COG3: variants seen among roughly 807,000 people sequenced by gnomAD.
COG3 encodes the protein component of oligomeric golgi complex 3.
Under a neutral mutation model 114.1 loss-of-function variants are expected in COG3, and 32 were observed. That is an observed-to-expected ratio of 0.28 (90% CI 0.21 to 0.38). The LOEUF (loss-of-function observed/expected upper bound fraction) is 0.38. Ranked by LOEUF, COG3 falls within the 10% of genes least tolerant of loss-of-function variation. The pLI is 1.00. For missense variants in COG3, 813 were observed against 973.2 expected (o/e 0.84, Z 2.19); for synonymous variants, 352 against 365.7 (o/e 0.96, Z 0.43).
At position 45,491,588 on chromosome 13, in the gene COG3, T is replaced by C. The variant is rs111902399; in HGVS notation, c.1095+50T>C. 6 of 1,567,986 alleles carry C rather than the reference T, an allele frequency of 3.8e-6. No homozygotes were observed. The African/African-American group carries it at 5.4e-5, about 14-fold the overall frequency. On this transcript the variant is annotated intron_variant, in intron 10 of 22. Coordinates refer to ENST00000349995, the MANE Select transcript of COG3 (RefSeq NM_031431.4). ...AATGTTAAATCTTCCTCTTGAGTTA[T>C]GTTGATATCCTAGAAACTATACCTG...
intron 7 of COG3, among the ~76,000 whole-genome samples, chr13:45,485,178 C>A (rs4420418): frequency 7.3e-6 from 1 of 136,512 alleles, no homozygotes; most frequent in African/African-American, 2.8e-5. Flanking sequence ...TAGGGGCGGC[C>A]GGGCAGAGGC....
intron 15 of COG3, among the ~76,000 whole-genome samples, chr13:45,510,797 C>T (rs925294073): frequency 2.6e-5 from 4 of 152,184 alleles, no homozygotes; most frequent in African/African-American, 9.7e-5. Context: ...GTGTAAAATA[C>T]GTTAAGGCTG....
intron 12 of COG3, among the ~76,000 whole-genome samples, chr13:45,495,375 TTTTA>T (rs1261308037): frequency 1.3e-5 from 2 of 151,872 alleles, no homozygotes; most frequent in Non-Finnish European, 2.9e-5. Flanking sequence ...ATGGCATCTT[TTTTA>T]TTTATTTATT....
In COG3 at chr13:45,512,043, G is replaced by GC; in HGVS notation, c.1809+189_1809+190insC. ...TAAATAAAGACTGTACTATATAAGA[G>GC]AGTCCAACTTTGCTAAAGTACCAAA... is the stretch of plus-strand genomic sequence containing the variant. On this transcript the variant is annotated intron_variant, in intron 16 of 22. Coordinates refer to ENST00000349995, the MANE Select transcript of COG3 (RefSeq NM_031431.4). 9.6e-6 allele frequency: 5 copies of GC among 518,462 alleles called. No homozygotes were observed. In the South Asian group the frequency reaches 1.0e-4, roughly 11 times the overall value. 32.1% of individuals were successfully genotyped at this position (518,462 alleles called of 1,614,324 possible).
In COG3 at chr13:45,503,364, C is replaced by G. The variant is rs371071890; in HGVS notation, c.1594+15C>G. The G allele has an allele frequency of 2.1e-4, 264 of 1,262,138 alleles. 2 individuals carry two copies. The highest frequency in any genetic ancestry group is 1.4e-3 in the South Asian group (117 of 82,768). The allele number at this position is 1,262,138 out of a possible 1,614,324, so 78.2% of individuals were successfully genotyped here. Reference sequence around the variant, plus strand: ...GACAAAATCTGGTATGTTATGATGTCTTAACTGCCAGCATTTATTCATTTG... The same window carrying G: ...GACAAAATCTGGTATGTTATGATGTGTTAACTGCCAGCATTTATTCATTTG... On this transcript the variant is annotated intron_variant, in intron 14 of 22. Coordinates refer to ENST00000349995, the MANE Select transcript of COG3 (RefSeq NM_031431.4).
intron 22 of COG3, chr13:45,531,997 C>G (rs950684267): frequency 6.6e-6 from 1 of 152,094 alleles, no homozygotes; most frequent in African/African-American, 2.4e-5. Flanking sequence ...AGAACATTTT[C>G]ATTACTCCCC....
intron 20 of COG3, among the ~76,000 whole-genome samples, chr13:45,528,365 T>C (rs945771825): frequency 3.3e-5 from 5 of 152,192 alleles, no homozygotes; most frequent in African/African-American, 1.2e-4. Context: ...GACTCGCCTG[T>C]ATTCTTTCTT....
intron 1 of COG3, among the ~76,000 whole-genome samples, chr13:45,471,501 T>A (rs1885479526): frequency 6.6e-6 from 1 of 152,202 alleles, no homozygotes. Flanking sequence ...CTTTTACATA[T>A]GTTATAAACC....
chr13:45,466,427 G>A (rs1477447759), intron 1 of COG3: 1 of 152,328 alleles, frequency 6.6e-6, no homozygotes, highest in Middle Eastern at 3.4e-3. Flanking sequence ...CAACTTTAGA[G>A]ATTTGATTTA....
At chr13:45,515,749 A>G (rs1372086334) in intron 16 of COG3, among the ~76,000 whole-genome samples, 1 of 152,220 alleles carries the variant, frequency 6.6e-6, no homozygotes, top group Non-Finnish European at 1.5e-5. Context: ...TCCTGAGGAG[A>G]AACTAGAATG....
In COG3 at chr13:45,519,004, C is replaced by T. The variant is rs147147472; in HGVS notation, c.2064C>T (p.Asp688=). The change falls in exon 19 of 23, where the codon GAC becomes GAT. Residue 688 remains aspartate, a synonymous_variant. Transcript: ENST00000349995. ...AACATTATCTTGACTCTAAAAAAGACGTAGACCGTCATCTGAAATCGGCCT... is the reference window on the plus strand; with the variant it reads ...AACATTATCTTGACTCTAAAAAAGATGTAGACCGTCATCTGAAATCGGCCT... ...IREHYLDSKK[D]VDRHLKSACE... The T allele has an allele frequency of 1.3e-4, 216 of 1,613,982 alleles. 1 individual carries two copies. The highest frequency in any genetic ancestry group is 4.9e-4 in the Middle Eastern group (3 of 6,084).
Position 45,511,795 on chromosome 13 carries a change from G to C in COG3, c.1750G>C (p.Ala584Pro). The stretch of plus-strand genomic sequence containing the variant: ...AGTGTTCCAAGGATTATCACAGGAA[G>C]CATTGTCTGCCTGCATTCAGTCCTT... ...RAVFQGLSQE[A>P]LSACIQSLLG... The change falls in exon 16 of 23, where the codon GCA (alanine) becomes CCA (proline). Residue 584 changes from alanine (A) to proline (P), a missense_variant. By Grantham distance (27) the Ala-to-Pro change is conservative. This residue lies in a region of COG3 where 389 missense variants were observed against 542.6 expected (regional missense o/e 0.72). Transcript: ENST00000349995. 1.2e-6 allele frequency: 2 copies of C among 1,613,990 alleles called. No individual in the cohort carries two copies. The highest frequency in any genetic ancestry group is 1.7e-6 in the Non-Finnish European group (2 of 1,179,904).
intron 2 of COG3, among the ~76,000 whole-genome samples, chr13:45,477,196 A>G (rs1193657552): frequency 1.3e-5 from 2 of 152,204 alleles, no homozygotes; most frequent in East Asian, 1.9e-4. Flanking sequence ...ATGCTCAGCA[A>G]ATGATAGCCA....
intron 14 of COG3, 71 bp downstream of exon 14, chr13:45,503,420 T>A: frequency 1.2e-6 from 1 of 824,176 alleles, no homozygotes; most frequent in Non-Finnish European, 2.1e-6. Context: ...GGACTTGTCC[T>A]GTCCCAGACA....
intron 15 of COG3, 129 bp downstream of exon 15, chr13:45,509,945 T>C: frequency 1.0e-6 from 1 of 970,754 alleles, no homozygotes; most frequent in Middle Eastern, 3.0e-4. Context: ...TGGAAGTAAC[T>C]TGAGGTCAAG....
intron 8 of COG3, among the ~76,000 whole-genome samples, chr13:45,489,186 C>T (rs1380923979): frequency 3.3e-5 from 1 of 30,408 alleles, no homozygotes; most frequent in African/African-American, 1.4e-4. Flanking sequence ...GACTCTGTTT[C>T]AAAAAAAAAA....
chr13:45,483,622 T>C (rs1309226095), intron 7 of COG3, among the ~76,000 whole-genome samples: 1 of 152,182 alleles, frequency 6.6e-6, no homozygotes, highest in Non-Finnish European at 1.5e-5. Context: ...AAATTATTTG[T>C]CTCTTAAAAC....
intron 19 of COG3, among the ~76,000 whole-genome samples, chr13:45,523,454 G>A (rs993332979): frequency 6.6e-6 from 1 of 152,060 alleles, no homozygotes; most frequent in African/African-American, 2.4e-5. Context: ...GAGACGATGG[G>A]TCTTTGTTCA....
chr13:45,528,957 T>A (rs145706945), intron 20 of COG3, among the ~76,000 whole-genome samples: 13 of 152,232 alleles, frequency 8.5e-5, no homozygotes, highest in Admixed American at 8.5e-4. Context: ...TTTTGCTAGA[T>A]AGCGCCTAAT....
Sources: allele counts gnomAD v4.1 joint callset (sites outside exome capture counted in the v4.1 genomes callset), GRCh38; gene constraint gnomAD v4.1.1; regional missense constraint gnomAD v4.1.1; transcripts MANE v1.5; gene names NCBI Gene and HGNC (gene_info 2026-07-23, HGNC 2026-07-21).